Variants in NAALAD2 observed in about 807,000 individuals in gnomAD.
The protein encoded by NAALAD2 is N-acetylated alpha-linked acidic dipeptidase 2, also known as N-acetylated-alpha-linked acidic dipeptidase 2.
NAALAD2 carries 89 observed loss-of-function variants against 95.6 expected under a neutral mutation model. That is an observed-to-expected ratio of 0.93 (90% CI 0.78 to 1.11). The LOEUF (loss-of-function observed/expected upper bound fraction) is 1.11, where lower values mean the gene tolerates loss of function less well. NAALAD2 is among the 50% of genes least tolerant of loss of function. The pLI, the probability that NAALAD2 is intolerant of heterozygous loss-of-function variation, is 0.00. For synonymous variants in NAALAD2, 264 were observed against 294.4 expected (o/e 0.90, Z 1.06); for missense variants, 894 against 872.4 (o/e 1.02, Z -0.31).
intron 5 of NAALAD2, among the ~76,000 whole-genome samples, chr11:90,150,948 T>C (rs1951873909): frequency 6.6e-6 from 1 of 152,174 alleles, no homozygotes; most frequent in African/African-American, 2.4e-5. Context: ...AACCTAATTC[T>C]GTGACATATA....
intron 11 of NAALAD2, among the ~76,000 whole-genome samples, chr11:90,165,547 G>T (rs1378352414): frequency 6.6e-6 from 1 of 152,104 alleles, no homozygotes; most frequent in African/African-American, 2.4e-5. Context: ...TACTATAATA[G>T]GAATAATATG....
chr11:90,191,501 G>A (rs1255031874), intron 18 of NAALAD2, 57 bp from the exon 19 acceptor site: 2 of 1,289,552 alleles, frequency 1.6e-6, no homozygotes, highest in Non-Finnish European at 2.1e-6. Flanking sequence ...TAAACAAAAA[G>A]CATGCAAAAT....
chr11:90,169,140 A>T (rs1952559851), intron 12 of NAALAD2, 148 bp downstream of exon 12: 3 of 522,970 alleles, frequency 5.7e-6, no homozygotes, highest in Admixed American at 4.0e-5. Flanking sequence ...GAGATGCCTC[A>T]GTAATACCTT....
intron 6 of NAALAD2, among the ~76,000 whole-genome samples, chr11:90,154,486 T>C (rs1951975598): frequency 6.6e-6 from 1 of 151,912 alleles, no homozygotes; most frequent in Non-Finnish European, 1.5e-5. Flanking sequence ...AAATCCCATT[T>C]GGTGACAATG....
intron 11 of NAALAD2, among the ~76,000 whole-genome samples, chr11:90,165,979 G>T (rs1952430132): frequency 6.6e-6 from 1 of 152,124 alleles, no homozygotes; most frequent in South Asian, 2.1e-4. Context: ...CCAGGTTCTT[G>T]ATTATATTCA....
chr11:90,145,256 A>G (rs537864318), intron 2 of NAALAD2, among the ~76,000 whole-genome samples: 1 of 152,142 alleles, frequency 6.6e-6, no homozygotes, highest in Non-Finnish European at 1.5e-5. Context: ...TGTAATGCCC[A>G]TCTTGGGACC....
At chr11:90,157,959 TC>T (rs1165548279) in intron 6 of NAALAD2, among the ~76,000 whole-genome samples, 185 bp from the exon 7 acceptor site, 1 of 152,194 alleles carries the variant, frequency 6.6e-6, no homozygotes, top group Non-Finnish European at 1.5e-5. Flanking sequence ...GGCCTCATGA[TC>T]CGCCCACCTC....
At position 90,163,472 on chromosome 11, in the gene NAALAD2, A is replaced by G. The variant is rs76007178; in HGVS notation, c.1195+43A>G. On this transcript the variant is annotated intron_variant, in intron 10 of 18. Transcript: ENST00000534061. Reference sequence around the variant, plus strand: ...CCTAGGTGATGACAAAAAGTGACTTACTGAATTTTCTTTTATTTTTTAGGC... The same window carrying G: ...CCTAGGTGATGACAAAAAGTGACTTGCTGAATTTTCTTTTATTTTTTAGGC... 51 of 1,613,158 alleles carry G rather than the reference A, an allele frequency of 3.2e-5. No homozygotes were observed. The African/African-American group carries it at 6.7e-4, about 21-fold the overall frequency.
chr11:90,155,470 A>G (rs1410991749), intron 6 of NAALAD2, among the ~76,000 whole-genome samples: 26 of 109,478 alleles, frequency 2.4e-4, no homozygotes, highest in African/African-American at 9.6e-4. Context: ...AATATTACAT[A>G]TACATGTATA....
At chr11:90,171,494 G>T (rs527751500) in intron 13 of NAALAD2, among the ~76,000 whole-genome samples, 2 of 152,052 alleles carry the variant, frequency 1.3e-5, no homozygotes, top group African/African-American at 4.8e-5. Flanking sequence ...AACCCTTTTT[G>T]GAACAGGAAT....
intron 6 of NAALAD2, among the ~76,000 whole-genome samples, chr11:90,154,884 T>TATGTATATATTATATACGTATACATA (rs1565521419): frequency 1.6e-3 from 82 of 50,978 alleles, no homozygotes; most frequent in African/African-American, 4.7e-3. Context: ...GTATACATAA[T>TATGTATATATTATATACGTATACATA]ATATGTATAT....
chr11:90,180,110 T>C (rs1016392109), intron 16 of NAALAD2, among the ~76,000 whole-genome samples: 1 of 152,074 alleles, frequency 6.6e-6, no homozygotes, highest in Admixed American at 6.5e-5. Flanking sequence ...TAATCTACAC[T>C]CCCTGTCTAT....
At chr11:90,172,523 A>G (rs1394621120) in intron 13 of NAALAD2, among the ~76,000 whole-genome samples, 1 of 152,210 alleles carries the variant, frequency 6.6e-6, no homozygotes, top group Non-Finnish European at 1.5e-5. Context: ...AATACCCAAC[A>G]TCTTTATTAG....
intron 6 of NAALAD2, among the ~76,000 whole-genome samples, chr11:90,155,511 A>G (rs548910076): frequency 3.5e-4 from 41 of 116,170 alleles, no homozygotes; most frequent in Middle Eastern, 0.012. Flanking sequence ...ATATAATTAT[A>G]TATAATTACA....
intron 7 of NAALAD2, 84 bp downstream of exon 7, chr11:90,158,322 A>C (rs1952183915): frequency 2.1e-6 from 2 of 940,908 alleles, no homozygotes; most frequent in Non-Finnish European, 3.4e-6. Context: ...TGGCATTCTT[A>C]TGTTAAACAC....
intron 6 of NAALAD2, among the ~76,000 whole-genome samples, chr11:90,154,854 A>T (rs1055457538): frequency 3.6e-5 from 5 of 139,390 alleles, no homozygotes; most frequent in African/African-American, 1.4e-4. Flanking sequence ...ACGTATACAT[A>T]ATATGTATAT....
At chr11:90,136,386 C>T (rs1405975073) in intron 2 of NAALAD2, among the ~76,000 whole-genome samples, 1 of 152,154 alleles carries the variant, frequency 6.6e-6, no homozygotes, top group Non-Finnish European at 1.5e-5. Flanking sequence ...AACAAACCAC[C>T]TCCTCCATCA....
At position 90,191,812 on chromosome 11, in the gene NAALAD2, G is replaced by T; in HGVS notation, c.*65G>T. 7.8e-7 allele frequency: 1 copy of T among 1,278,734 alleles called. No individual in the cohort carries two copies. The highest frequency in any genetic ancestry group is 1.0e-6 in the Non-Finnish European group (1 of 959,346). 79.2% of individuals were successfully genotyped at this position (1,278,734 alleles called of 1,614,324 possible). A position where few individuals can be genotyped will look rare whatever the true frequency, so the allele number is the denominator to read the frequency against. Reference sequence around the variant, plus strand: ...GTCTGAGGATAAAATTCACCTTTCTGATAACTTATGAAGCCAGGGTGTTCT... The same window carrying T: ...GTCTGAGGATAAAATTCACCTTTCTTATAACTTATGAAGCCAGGGTGTTCT... On this transcript the variant is annotated 3_prime_UTR_variant, in exon 19 of 19. Coordinates refer to ENST00000534061, the MANE Select transcript of NAALAD2 (RefSeq NM_005467.4).
chr11:90,152,623 G>T, intron 6 of NAALAD2, 139 bp downstream of exon 6: 1 of 585,772 alleles, frequency 1.7e-6, no homozygotes, highest in African/African-American at 1.9e-5. Flanking sequence ...CTGCTGCTAG[G>T]AATTTTAAAA....
Sources: gnomAD v4.1 joint callset for allele counts (sites outside exome capture counted in the v4.1 genomes callset) on GRCh38, gnomAD v4.1.1 for gene constraint, MANE v1.5 for transcripts, NCBI Gene and HGNC (gene_info 2026-07-23, HGNC 2026-07-21) for gene names.